ASAP1: variants seen among roughly 807,000 people sequenced by gnomAD.
The protein encoded by ASAP1 is ArfGAP with SH3 domain, ankyrin repeat and PH domain 1.
ASAP1 carries 43 observed loss-of-function variants against 145.2 expected under a neutral mutation model. The observed-to-expected ratio is 0.30, with a 90% CI of 0.23 to 0.38. The LOEUF is 0.38. Ranked by LOEUF, ASAP1 falls within the 10% of genes least tolerant of loss-of-function variation. The pLI, the probability that ASAP1 is intolerant of heterozygous loss-of-function variation, is 1.00. For missense variants in ASAP1, 1,018 were observed against 1,355.3 expected (o/e 0.75, Z 3.91); for synonymous variants, 546 against 515.5 (o/e 1.06, Z -0.80).
At chr8:130,187,981 A>G (rs889106723) in intron 6 of ASAP1, 128 bp downstream of exon 6, 7 of 721,062 alleles carry the variant, frequency 9.7e-6, no homozygotes, top group Non-Finnish European at 1.6e-5. Flanking sequence ...ATCATTTTCC[A>G]AGAGCATTTT....
intron 2 of ASAP1, among the ~76,000 whole-genome samples, chr8:130,394,949 C>G (rs1828458166): frequency 6.6e-6 from 1 of 152,158 alleles, no homozygotes; most frequent in Admixed American, 6.5e-5. Flanking sequence ...CTGGTTTAAC[C>G]ACTTTACCCA....
intron 25 of ASAP1, among the ~76,000 whole-genome samples, chr8:130,080,674 C>T (rs2097477547): frequency 6.6e-6 from 1 of 151,956 alleles, no homozygotes; most frequent in Non-Finnish European, 1.5e-5. Context: ...ACTCTGTTGC[C>T]TAGACTGGAG....
At chr8:130,243,320 C>G (rs1025278893) in intron 3 of ASAP1, among the ~76,000 whole-genome samples, 3 of 152,142 alleles carry the variant, frequency 2.0e-5, no homozygotes, top group Non-Finnish European at 2.9e-5. Flanking sequence ...GCGTCTCTCC[C>G]TGTACTCCAT....
At chr8:130,305,958 C>A (rs1822968022) in intron 3 of ASAP1, among the ~76,000 whole-genome samples, 1 of 152,162 alleles carries the variant, frequency 6.6e-6, no homozygotes, top group African/African-American at 2.4e-5. Context: ...CTTCTTCCCC[C>A]AGACAATATT....
rs34138357 is a variant in ASAP1 at position 130,420,235 on chromosome 8, TACACACACACAC to T, written c.-27-18277_-27-18266del. On this transcript the variant is annotated intron_variant, in intron 1 of 29. Transcript: ENST00000518721. ...ACCCACTAGGCTGGCCATAATGAAATACACACACACACACACACACACACACACACACACACA... is the reference window on the plus strand; with the variant it reads ...ACCCACTAGGCTGGCCATAATGAAATACACACACACACACACACACACACA... Among the ~76,000 whole-genome samples, 523 of 139,412 alleles carry T rather than the reference TACACACACACAC, an allele frequency of 3.8e-3. 3 individuals are homozygous for T. Among genetic ancestry groups the T allele is most frequent in the South Asian group, 0.011 (46 of 4,086 alleles). 91.5% of individuals were successfully genotyped at this position (139,412 alleles called of 152,430 possible).
At chr8:130,270,796 C>T (rs1367833909) in intron 3 of ASAP1, among the ~76,000 whole-genome samples, 2 of 152,294 alleles carry the variant, frequency 1.3e-5, no homozygotes, top group African/African-American at 2.4e-5. Flanking sequence ...GATTTTAGTC[C>T]ACTGTTTCTC....
intron 3 of ASAP1, among the ~76,000 whole-genome samples, chr8:130,340,621 C>T (rs1825315725): frequency 6.6e-6 from 1 of 152,118 alleles, no homozygotes; most frequent in Non-Finnish European, 1.5e-5. Context: ...TTTAAAAAGG[C>T]TATAACGTCT....
chr8:130,262,417 AGAGAGAGAGAGAGAGAGAGAG>A (rs1444364214), intron 3 of ASAP1, among the ~76,000 whole-genome samples: 494 of 32,974 alleles, frequency 0.015, 8 homozygotes, highest in East Asian at 0.052. Flanking sequence ...AAAAAAAAAA[AGAGAGAGAGAGAGAGAGAGAG>A]AGAGAGAGAG....
intron 2 of ASAP1, among the ~76,000 whole-genome samples, chr8:130,364,770 C>T (rs150467360): frequency 6.1e-4 from 93 of 152,238 alleles, no homozygotes; most frequent in African/African-American, 2.2e-3. Context: ...TGGCACCATT[C>T]AGAGGAGAAA....
At chr8:130,219,214 A>G (rs1817136762) in intron 4 of ASAP1, among the ~76,000 whole-genome samples, 1 of 122,852 alleles carries the variant, frequency 8.1e-6, no homozygotes, top group Admixed American at 7.6e-5. Flanking sequence ...TTTTTAACAT[A>G]CTGTATTATA....
intron 1 of ASAP1, among the ~76,000 whole-genome samples, chr8:130,436,565 C>T (rs779097184): frequency 1.3e-5 from 2 of 152,196 alleles, no homozygotes; most frequent in Admixed American, 6.5e-5. Flanking sequence ...CCCGCCTTGG[C>T]CTCCCAAAGT....
At chr8:130,305,209 A>T (rs1324509789) in intron 3 of ASAP1, among the ~76,000 whole-genome samples, 1 of 152,124 alleles carries the variant, frequency 6.6e-6, no homozygotes, top group East Asian at 1.9e-4. Flanking sequence ...ACTGACACCT[A>T]ACATACTGTT....
In ASAP1 at chr8:130,125,945, T is replaced by G; in HGVS notation, c.1515+11A>C. The G allele has an allele frequency of 6.2e-7, 1 of 1,605,330 alleles. No homozygotes were observed. Among genetic ancestry groups the G allele is most frequent in the Non-Finnish European group, 8.5e-7 (1 of 1,177,672 alleles). On this transcript the variant is annotated intron_variant, in intron 17 of 29. Transcript: ENST00000518721. The stretch of plus-strand genomic sequence containing the variant: ...TAATATCATTCTTCCCAAGTACAGG[T>G]CACTACTTACCAAGAGTTCAGAAGT...
chr8:130,218,917 T>G (rs1011870583), intron 4 of ASAP1, among the ~76,000 whole-genome samples: 4 of 152,088 alleles, frequency 2.6e-5, no homozygotes, highest in African/African-American at 9.7e-5. Flanking sequence ...CTCACATATA[T>G]ATACATGTCT....
intron 3 of ASAP1, among the ~76,000 whole-genome samples, chr8:130,327,680 A>C (rs1351096032): frequency 6.6e-6 from 1 of 152,232 alleles, no homozygotes; most frequent in African/African-American, 2.4e-5. Context: ...GCAGCCATTA[A>C]AAAGCATGGC....
intron 2 of ASAP1, among the ~76,000 whole-genome samples, chr8:130,367,583 C>G (rs1827016776): frequency 6.6e-6 from 1 of 152,218 alleles, no homozygotes; most frequent in South Asian, 2.1e-4. Context: ...AATTTCACCT[C>G]CCTCGGCCTC....
At chr8:130,114,837 C>T (rs2097552379) in intron 23 of ASAP1, among the ~76,000 whole-genome samples, 2 of 143,882 alleles carry the variant, frequency 1.4e-5, no homozygotes, top group South Asian at 2.2e-4. Context: ...TGCAGTAGTA[C>T]AATCATAGCT....
At chr8:130,352,792 A>G (rs1826078080) in intron 3 of ASAP1, among the ~76,000 whole-genome samples, 1 of 152,250 alleles carries the variant, frequency 6.6e-6, no homozygotes. Flanking sequence ...TGTTACTGTT[A>G]TGAGATAGAG....
chr8:130,342,424 G>A (rs1825442907), intron 3 of ASAP1, among the ~76,000 whole-genome samples: 1 of 152,150 alleles, frequency 6.6e-6, no homozygotes, highest in African/African-American at 2.4e-5. Context: ...ATGAAACCCA[G>A]CACATTCTAC....
Sources: allele counts gnomAD v4.1 joint callset (sites outside exome capture counted in the v4.1 genomes callset), GRCh38; gene constraint gnomAD v4.1.1; transcripts MANE v1.5; gene names NCBI Gene and HGNC (gene_info 2026-07-23, HGNC 2026-07-21).